The following ADAM7 variants were observed in gnomAD, a reference collection of about 807,000 sequenced individuals.
The protein encoded by ADAM7 is disintegrin and metalloproteinase domain-containing protein 7.
ADAM7 carries 97 observed loss-of-function variants against 102.9 expected under a neutral mutation model. That is an observed-to-expected ratio of 0.94 (90% CI 0.80 to 1.12). The LOEUF (loss-of-function observed/expected upper bound fraction) is 1.12. Among genes scored for constraint, ADAM7 ranks in the 50% most tolerant of loss-of-function variants. ADAM7 has a pLI of 0.00. For missense variants in ADAM7, 991 were observed against 908.7 expected, an observed-to-expected ratio of 1.09 and a Z score of -1.16; for synonymous variants, 334 against 304.4, an observed-to-expected ratio of 1.10 and a Z score of -1.01.
At position 24,505,493 on chromosome 8, in the gene ADAM7, T is replaced by G. The variant is rs1820920909; in HGVS notation, c.2209-1987T>G. 2.0e-5 allele frequency among the ~76,000 whole-genome samples: 3 copies of G among 152,306 alleles called. No homozygotes were observed. In the South Asian group the frequency reaches 6.2e-4, roughly 32 times the overall value. On this transcript the variant is annotated intron_variant, in intron 20 of 21. Transcript: ENST00000175238. ...GGTTTTTGTATTTTTTGGCATGAAGTATTATAAACAATAATGATTTAACTG... is the reference window on the plus strand; with the variant it reads ...GGTTTTTGTATTTTTTGGCATGAAGGATTATAAACAATAATGATTTAACTG...
intron 7 of ADAM7, among the ~76,000 whole-genome samples, chr8:24,471,043 T>C (rs1819584659): frequency 6.6e-6 from 1 of 151,936 alleles, no homozygotes; most frequent in Admixed American, 6.6e-5. Flanking sequence ...TTTGTGTAGG[T>C]TTAGGCTAAT....
rs761113604 is a variant in ADAM7, at chr8:24,468,748, A to G, written c.580-19A>G. 1.2e-6 allele frequency: 2 copies of G among 1,610,904 alleles called. No homozygotes were observed. The highest frequency in any genetic ancestry group is 1.1e-5 in the South Asian group (1 of 90,826). On this transcript the variant is annotated intron_variant, in intron 6 of 21. Transcript: ENST00000175238. The stretch of plus-strand genomic sequence containing the variant: ...AAAGTGTTAACTATACTTCAACTGA[A>G]TTTTCCCTAACTTTACAGGGCATCC...
chr8:24,470,181 G>A (rs7815962), intron 7 of ADAM7, among the ~76,000 whole-genome samples: 2,277 of 152,200 alleles, frequency 0.015, 58 homozygotes, highest in African/African-American at 0.052. Context: ...CAGAGCATAC[G>A]TTTTAAACAA....
chr8:24,500,705 C>T (rs938445076), intron 18 of ADAM7, 85 bp from the exon 19 acceptor site: 10 of 1,051,240 alleles, frequency 9.5e-6, no homozygotes, highest in East Asian at 4.8e-5. Flanking sequence ...GAATAAGGAG[C>T]ATTGTAACAG....
In ADAM7 at chr8:24,501,477, C is replaced by G; in HGVS notation, c.2109C>G (p.Ser703Arg). The G allele has an allele frequency of 6.2e-7, 1 of 1,601,506 alleles. No homozygotes were observed. The highest frequency in any genetic ancestry group is 8.5e-7 in the Non-Finnish European group (1 of 1,175,630). Residue 703 changes from serine to arginine, a missense_variant and splice_region_variant, in exon 20 of 22, where the codon AGC becomes AGG. Coordinates refer to ENST00000175238, the MANE Select transcript of ADAM7 (RefSeq NM_003817.4). ...RKCIKLKQVQ[S>R]PPTETLGVEN... Reference sequence around the variant, plus strand: ...AGTTGTTCAATTTCCTTCTTGACAGCCCACCTACAGAAACCCTGGGAGTGG... The same window carrying G: ...AGTTGTTCAATTTCCTTCTTGACAGGCCACCTACAGAAACCCTGGGAGTGG...
intron 1 of ADAM7, among the ~76,000 whole-genome samples, chr8:24,441,972 G>A (rs1282204033): frequency 6.6e-6 from 1 of 152,104 alleles, no homozygotes; most frequent in Non-Finnish European, 1.5e-5. Context: ...TCAGGAGTTT[G>A]AGACTAGCCT....
In ADAM7 at chr8:24,493,057, G is replaced by C; in HGVS notation, c.1670G>C (p.Gly557Ala). 1 of 1,586,924 alleles carries C rather than the reference G, an allele frequency of 6.3e-7. No individual in the cohort carries two copies. The highest frequency in any genetic ancestry group is 8.5e-7 in the Non-Finnish European group (1 of 1,171,200). ...CTTTCCTTCAGAGATGTCAGATGTGGAAAGATCTACTGCACTGGAGGGGAG... is the reference window on the plus strand; with the variant it reads ...CTTTCCTTCAGAGATGTCAGATGTGCAAAGATCTACTGCACTGGAGGGGAG... ...LPCEEKDVRC[G>A]KIYCTGGELS... Residue 557 changes from glycine (G) to alanine (A), a missense_variant, in exon 16 of 22, where the codon GGA becomes GCA. Coordinates refer to ENST00000175238, the MANE Select transcript of ADAM7 (RefSeq NM_003817.4).
At chr8:24,477,206 G>A (rs1819795951) in intron 8 of ADAM7, among the ~76,000 whole-genome samples, 1 of 152,074 alleles carries the variant, frequency 6.6e-6, no homozygotes, top group Non-Finnish European at 1.5e-5. Flanking sequence ...TTTATTTTTT[G>A]TAAATAACGA....
chr8:24,454,692 G>T (rs1818960062), intron 3 of ADAM7, among the ~76,000 whole-genome samples: 1 of 152,124 alleles, frequency 6.6e-6, no homozygotes, highest in Admixed American at 6.5e-5. Flanking sequence ...GCACTCCCTA[G>T]TGAGATGAAC....
At chr8:24,500,063 C>T (rs914208475) in intron 17 of ADAM7, 115 bp from the exon 18 acceptor site, 17 of 730,844 alleles carry the variant, frequency 2.3e-5, no homozygotes, top group African/African-American at 1.8e-4. Flanking sequence ...ATAAAAAGTT[C>T]GCGCTTGTGC....
intron 20 of ADAM7, among the ~76,000 whole-genome samples, chr8:24,505,905 T>G (rs537362844): frequency 3.7e-4 from 56 of 152,292 alleles, no homozygotes; most frequent in African/African-American, 1.3e-3. Context: ...CAGACCTGCC[T>G]CATCATATTC....
chr8:24,467,016 C>A (rs751550309), intron 6 of ADAM7, 28 bp downstream of exon 6: 1 of 1,566,836 alleles, frequency 6.4e-7, no homozygotes, highest in East Asian at 2.3e-5. Flanking sequence ...ATCTTTACCC[C>A]AAATGAAACA....
At chr8:24,454,025 G>A (rs1015578023) in intron 3 of ADAM7, among the ~76,000 whole-genome samples, 7 of 152,178 alleles carry the variant, frequency 4.6e-5, no homozygotes, top group Admixed American at 1.3e-4. Flanking sequence ...TGTCTCAGAG[G>A]AGTACCCGGC....
chr8:24,462,268 T>C (rs963490353), intron 3 of ADAM7, among the ~76,000 whole-genome samples: 1 of 152,234 alleles, frequency 6.6e-6, no homozygotes, highest in African/African-American at 2.4e-5. Flanking sequence ...GGGAAAATTC[T>C]GAATTTGAGA....
In ADAM7 at chr8:24,481,823, T is replaced by C. The variant is rs188191062; in HGVS notation, c.706-319T>C. ...GCCACTGTTAGTAAATTTATGCTTT[T>C]AGGCCAGTTCTAAATTCAGAACTTT... On this transcript the variant is annotated intron_variant, in intron 8 of 21. Coordinates refer to ENST00000175238, the MANE Select transcript of ADAM7 (RefSeq NM_003817.4). Among the ~76,000 whole-genome samples the C allele has an allele frequency of 1.2e-3, 179 of 152,306 alleles. 1 individual carries two copies. Among genetic ancestry groups the C allele is most frequent in the African/African-American group, 4.2e-3 (176 of 41,574 alleles).
intron 11 of ADAM7, among the ~76,000 whole-genome samples, chr8:24,488,251 A>C (rs1820211538): frequency 6.6e-6 from 1 of 152,138 alleles, no homozygotes; most frequent in Non-Finnish European, 1.5e-5. Flanking sequence ...ACACATATTA[A>C]ACACTCCATA....
chr8:24,447,840 T>C (rs75897391), intron 3 of ADAM7, among the ~76,000 whole-genome samples: 7 of 152,014 alleles, frequency 4.6e-5, no homozygotes, highest in East Asian at 1.9e-4. Context: ...GCCCCAGATA[T>C]TAAAAGGATG....
At chr8:24,450,453 T>G (rs1204997858) in intron 3 of ADAM7, among the ~76,000 whole-genome samples, 1 of 151,924 alleles carries the variant, frequency 6.6e-6, no homozygotes, top group East Asian at 1.9e-4. Context: ...TCTCTGTTTG[T>G]CTGTTATTGG....
In ADAM7 at chr8:24,468,823, A is replaced by G; in HGVS notation, c.633+3A>G. On this transcript the variant is annotated splice_donor_region_variant and intron_variant, in intron 7 of 21. Coordinates refer to ENST00000175238, the MANE Select transcript of ADAM7 (RefSeq NM_003817.4). ...TCATTGTTGCTGATGATACTGTGGT[A>G]AGTTTTCAATAGAACATTTCTCTCT... 6.2e-7 allele frequency: 1 copy of G among 1,610,818 alleles called. No individual in the cohort carries two copies. Among genetic ancestry groups the G allele is most frequent in the Non-Finnish European group, 8.5e-7 (1 of 1,177,512 alleles).
Sources: allele counts gnomAD v4.1 joint callset (sites outside exome capture counted in the v4.1 genomes callset), GRCh38; gene constraint gnomAD v4.1.1; transcripts MANE v1.5; gene names NCBI Gene and HGNC (gene_info 2026-07-23, HGNC 2026-07-21).